The following ACAD9 variants were observed in gnomAD, a reference collection of about 807,000 sequenced individuals.
The protein encoded by ACAD9 is acyl-CoA dehydrogenase family member 9.
Under a neutral mutation model 70.2 loss-of-function variants are expected in ACAD9, and 53 were observed. The ratio of observed to expected loss-of-function variants is 0.75; its 90% CI spans 0.61 to 0.95. ACAD9 has a LOEUF of 0.95. Among genes scored for constraint, ACAD9 ranks in the 40% least tolerant of loss-of-function variants. The pLI is 0.00. For missense variants in ACAD9, 777 were observed against 802.8 expected (o/e 0.97, Z 0.39); for synonymous variants, 313 against 312.1 (o/e 1.00, Z -0.03).
At chr3:128,889,139 A>G (rs1248360903) in intron 2 of ACAD9, among the ~76,000 whole-genome samples, 1 of 151,440 alleles carries the variant, frequency 6.6e-6, no homozygotes, top group Non-Finnish European at 1.5e-5. Flanking sequence ...TATGCTGTAC[A>G]GCTTTTTTGT....
rs1414333470 is a variant in ACAD9, at chr3:128,896,448, G to T, written c.466G>T (p.Ala156Ser). The change falls in exon 5 of 18, where the codon GCT (alanine) becomes TCT (serine). Residue 156 changes from alanine to serine, a missense_variant. Coordinates refer to ENST00000308982, the MANE Select transcript of ACAD9 (RefSeq NM_014049.5). ...QAIGLKGIIL[A>S]GTEEQKAKYL... ...CTGTTTTGTTTAGGGGATCATCTTG[G>T]CTGGCACTGAGGAGCAGAAAGCCAA... 2.5e-6 allele frequency: 4 copies of T among 1,614,064 alleles called. No homozygotes were observed. The highest frequency in any genetic ancestry group is 3.4e-6 in the Non-Finnish European group (4 of 1,180,038).
chr3:128,899,368 A>C lies in ACAD9; in HGVS notation c.715A>C (p.Lys239Gln). The C allele has an allele frequency of 1.2e-6, 2 of 1,614,274 alleles. No individual in the cohort carries two copies. The highest frequency in any genetic ancestry group is 1.7e-6 in the Non-Finnish European group (2 of 1,180,044). ...TEVVDSDGSV[K>Q]DKITAFIVER... ...GGTCGTTGATTCTGATGGATCAGTG[A>C]AAGACAAAATCACAGCATTCATAGT... Residue 239 changes from lysine (K) to glutamine (Q), a missense_variant, in exon 7 of 18, where the codon AAA (lysine) becomes CAA (glutamine). Physicochemically the swap from Lys to Gln is moderately conservative, Grantham distance 53. Coordinates refer to ENST00000308982, the MANE Select transcript of ACAD9 (RefSeq NM_014049.5).
chr3:128,895,219 T>C, intron 3 of ACAD9, 91 bp from the exon 4 acceptor site: 1 of 991,986 alleles, frequency 1.0e-6, no homozygotes, highest in Non-Finnish European at 1.5e-6. Flanking sequence ...CTGGCATTAC[T>C]TTATAATCAG....
chr3:128,900,915 T>G (rs1315028675), intron 7 of ACAD9, among the ~76,000 whole-genome samples: 2 of 152,148 alleles, frequency 1.3e-5, no homozygotes, highest in Admixed American at 1.3e-4. Flanking sequence ...TTCTGGCTCT[T>G]TATATGCCTG....
At position 128,895,362 on chromosome 3, in the gene ACAD9, CATGG is replaced by C; in HGVS notation, c.404_407del (p.Asp135GlyfsTer5). 1 of 1,613,044 alleles carries C rather than the reference CATGG, an allele frequency of 6.2e-7. No individual in the cohort carries two copies. Among genetic ancestry groups the C allele is most frequent in the South Asian group, 1.1e-5 (1 of 90,736 alleles). On this transcript the variant is annotated frameshift_variant, in exon 4 of 18. Coordinates refer to ENST00000308982, the MANE Select transcript of ACAD9 (RefSeq NM_014049.5). LOFTEE classifies it high-confidence loss of function. ...ACTCAAGACTAGGGGAGATCATCAG[CATGG>C]ATGGGTCCATCACTGTGACCCTGGC...
intron 1 of ACAD9, among the ~76,000 whole-genome samples, chr3:128,881,022 T>A (rs1225729505): frequency 6.6e-6 from 1 of 152,234 alleles, no homozygotes; most frequent in Non-Finnish European, 1.5e-5. Flanking sequence ...TGTTGGCTGA[T>A]CCTGTATCAC....
Position 128,895,339 on chromosome 3 carries a change from T to C in ACAD9, c.376T>C (p.Ser126Pro). 5 of 1,612,822 alleles carry C rather than the reference T, an allele frequency of 3.1e-6. No individual in the cohort carries two copies. The highest frequency in any genetic ancestry group is 4.2e-6 in the Non-Finnish European group (5 of 1,179,518). The change falls in exon 4 of 18, where the codon TCA (serine) becomes CCA (proline). Residue 126 changes from serine to proline, a missense_variant. Ser to Pro is a moderately conservative substitution (Grantham distance 74). Transcript: ENST00000308982. ...GGLGFSNTMY[S>P]RLGEIISMDG... ...CCTGGGCTTCTCCAACACCATGTAC[T>C]CAAGACTAGGGGAGATCATCAGCAT...
chr3:128,911,861 ACCCTGCAGTG>A (rs1342254606), intron 17 of ACAD9, among the ~76,000 whole-genome samples: 2 of 152,152 alleles, frequency 1.3e-5, no homozygotes, highest in African/African-American at 4.8e-5. Flanking sequence ...ATCCAAAATG[ACCCTGCAGTG>A]CCCTGCAGAG....
At chr3:128,910,865 A>G (rs773805385) in intron 17 of ACAD9, 52 bp downstream of exon 17, 14 of 1,585,208 alleles carry the variant, frequency 8.8e-6, no homozygotes, top group South Asian at 7.7e-5. Flanking sequence ...CTAGGCCCCT[A>G]TTGATGGTGA....
At position 128,904,521 on chromosome 3, in the gene ACAD9, C is replaced by T. The variant is rs778498182; in HGVS notation, c.1149+16C>T. 1 of 1,612,850 alleles carries T rather than the reference C, an allele frequency of 6.2e-7. No homozygotes were observed. Among genetic ancestry groups the T allele is most frequent in the Non-Finnish European group, 8.5e-7 (1 of 1,179,790 alleles). ...CATGGTGAAGGTAACCCTGGCATAG[C>T]CAGAGAGCTGGCGCTGGAGGGAGGC... On this transcript the variant is annotated intron_variant, in intron 11 of 17. Transcript: ENST00000308982.
chr3:128,908,142 C>T, intron 12 of ACAD9, 43 bp from the exon 13 acceptor site: 3 of 1,601,562 alleles, frequency 1.9e-6, no homozygotes, highest in South Asian at 2.2e-5. Context: ...CCATGGCTGC[C>T]TGGCCGGGGG....
At chr3:128,893,521 T>A in intron 2 of ACAD9, 34 bp from the exon 3 acceptor site, 1 of 1,461,698 alleles carries the variant, frequency 6.8e-7, no homozygotes, top group Non-Finnish European at 9.6e-7. Flanking sequence ...AAACATAGCT[T>A]ATATTTGTTT....
intron 5 of ACAD9, 115 bp downstream of exon 5, chr3:128,896,651 T>A (rs976854327): frequency 9.9e-7 from 1 of 1,010,732 alleles, no homozygotes; most frequent in African/African-American, 1.6e-5. Flanking sequence ...TTCCAAAATC[T>A]TGCAAAGAAT....
At chr3:128,881,591 G>T (rs1935096268) in intron 1 of ACAD9, among the ~76,000 whole-genome samples, 1 of 152,028 alleles carries the variant, frequency 6.6e-6, no homozygotes, top group African/African-American at 2.4e-5. Flanking sequence ...TACCATTCAG[G>T]CATTTGTCCC....
chr3:128,900,277 G>A (rs1170854877), intron 7 of ACAD9, among the ~76,000 whole-genome samples: 1 of 151,660 alleles, frequency 6.6e-6, no homozygotes, highest in Non-Finnish European at 1.5e-5. Flanking sequence ...TCGCTCTGTC[G>A]CCCAGGCTGG....
rs771599560 is a variant in ACAD9, at chr3:128,879,764, G to A, written c.73G>A (p.Ala25Thr). ...CTGCCGGGGTCTGGTGGTCTCTACC[G>A]CGAACCGGCGGCTACTGCGCACCAG... The part of the protein sequence containing the change: ...RACRGLVVST[A>T]NRRLLRTSPP... The change falls in exon 1 of 18, where the codon GCG becomes ACG. Residue 25 changes from alanine (A) to threonine (T), a missense_variant. Ala to Thr is a moderately conservative substitution (Grantham distance 58, BLOSUM62 0). Coordinates refer to ENST00000308982, the MANE Select transcript of ACAD9 (RefSeq NM_014049.5). 3.6e-5 allele frequency: 58 copies of A among 1,613,388 alleles called. No homozygotes were observed. Among genetic ancestry groups the A allele is most frequent in the Middle Eastern group, 1.7e-4 (1 of 6,018 alleles).
At chr3:128,880,480 C>T (rs1385587288) in intron 1 of ACAD9, among the ~76,000 whole-genome samples, 3 of 152,036 alleles carry the variant, frequency 2.0e-5, no homozygotes, top group African/African-American at 4.8e-5. Context: ...CTGCAACCTC[C>T]CTCCTGGGTT....
chr3:128,899,523 GGT>G lies in ACAD9; in HGVS notation c.808+101_808+102del, dbSNP rs63473460. On this transcript the variant is annotated intron_variant, in intron 7 of 17. Coordinates refer to ENST00000308982, the MANE Select transcript of ACAD9 (RefSeq NM_014049.5). ...TGTAAGGGGGAGACTGGCCTTTGAC[GGT>G]GTGTGTGTGTGTGTGTGTGTGTGTG... 122,472 of 1,054,354 alleles carry G rather than the reference GGT, an allele frequency of 0.12. 514 individuals carry two copies. The highest frequency in any genetic ancestry group is 0.13 in the South Asian group (8,203 of 61,514). 65.3% of individuals were successfully genotyped at this position (1,054,354 alleles called of 1,614,324 possible). A position where few individuals can be genotyped will look rare whatever the true frequency, so the allele number is the denominator to read the frequency against.
At chr3:128,892,783 CAG>C (rs1935459528) in intron 2 of ACAD9, among the ~76,000 whole-genome samples, 1 of 152,200 alleles carries the variant, frequency 6.6e-6, no homozygotes. Context: ...AACCTTGGCC[CAG>C]ATACTGCCAT....
Sources: gnomAD v4.1 joint callset for allele counts (sites outside exome capture counted in the v4.1 genomes callset) on GRCh38, gnomAD v4.1.1 for gene constraint, MANE v1.5 for transcripts, NCBI Gene and HGNC (gene_info 2026-07-23, HGNC 2026-07-21) for gene names.